Variants in POLRMT observed in about 807,000 individuals in gnomAD.
The protein encoded by POLRMT is RNA polymerase mitochondrial.
A neutral mutation model predicts 132.2 loss-of-function variants in POLRMT; 114 were observed. The ratio of observed to expected loss-of-function variants is 0.86; its 90% CI spans 0.74 to 1.01. POLRMT has a LOEUF of 1.01. Ranked by LOEUF, POLRMT falls within the 50% of genes least tolerant of loss-of-function variation. POLRMT has a pLI of 0.00. For synonymous variants in POLRMT, 1,020 were observed against 773.4 expected, an observed-to-expected ratio of 1.32 and a Z score of -5.29; for missense variants, 2,003 against 1,729.1, an observed-to-expected ratio of 1.16 and a Z score of -2.81.
intron 17 of POLRMT, chr19:618,089 G>A (rs890670288): frequency 2.4e-5 from 14 of 581,380 alleles, no homozygotes; most frequent in Non-Finnish European, 2.5e-5. Context: ...CCACGCTGCT[G>A]TGGGAGCCTC....
intron 6 of POLRMT, 109 bp downstream of exon 6, chr19:623,345 C>G (rs1984777335): frequency 1.3e-6 from 2 of 1,504,082 alleles, no homozygotes; most frequent in African/African-American, 2.8e-5. Context: ...ACACGCGACC[C>G]CGGCTCAGCC....
At position 632,961 on chromosome 19, in the gene POLRMT, T is replaced by C; in HGVS notation, c.89-23A>G. On this transcript the variant is annotated intron_variant, in intron 1 of 20. Coordinates refer to ENST00000588649, the MANE Select transcript of POLRMT (RefSeq NM_005035.4). ...TCCCTGCGGGAAAGACGAGAGCGGC[T>C]GAGCGGGGCCGGGCGTGTGGGCGGG... 8 of 1,471,340 alleles carry C rather than the reference T, an allele frequency of 5.4e-6. 1 individual carries two copies. In the Middle Eastern group the frequency reaches 7.4e-4, roughly 137 times the overall value. 91.1% of individuals were successfully genotyped at this position (1,471,340 alleles called of 1,614,324 possible).
At chr19:620,645 G>A (rs1156997061) in intron 10 of POLRMT, among the ~76,000 whole-genome samples, 158 bp from the exon 11 acceptor site, 7 of 150,762 alleles carry the variant, frequency 4.6e-5, no homozygotes, top group Admixed American at 2.0e-4. Context: ...GTGGCTGGAT[G>A]AGTTCTCCAT....
In POLRMT at chr19:618,563, T is replaced by C. The variant is rs200820391; in HGVS notation, c.3347A>G (p.Lys1116Arg). Residue 1116 changes from lysine (K) to arginine (R), a missense_variant, in exon 17 of 21, where the codon AAG becomes AGG. By Grantham distance (26) the Lys-to-Arg change is conservative (BLOSUM62 2). Transcript: ENST00000588649. The part of the protein sequence containing the change: ...ISRKPNTRKQ[K>R]NGFPPNFIHS... ...GATGAAGTTGGGCGGGAAGCCGTTC[T>C]TCTGCTTACGTGTGTTGGGCTTTCT... is the stretch of plus-strand genomic sequence containing the variant. The C allele has an allele frequency of 6.9e-5, 111 of 1,613,218 alleles. No individual in the cohort carries two copies. Among genetic ancestry groups the C allele is most frequent in the Non-Finnish European group, 9.1e-5 (107 of 1,179,502 alleles).
intron 3 of POLRMT, among the ~76,000 whole-genome samples, chr19:627,052 T>G (rs2144669274): frequency 6.6e-6 from 1 of 151,800 alleles, no homozygotes. Context: ...GGAAAAAAAT[T>G]CCCTTACATC....
chr19:632,939 C>A lies in POLRMT; in HGVS notation c.89-1G>T. 1 of 1,503,982 alleles carries A rather than the reference C, an allele frequency of 6.6e-7. No individual in the cohort carries two copies. The highest frequency in any genetic ancestry group is 8.8e-7 in the Non-Finnish European group (1 of 1,130,884). The allele number at this position is 1,503,982 out of a possible 1,614,324, so 93.2% of individuals were successfully genotyped here. On this transcript the variant is annotated splice_acceptor_variant, in intron 1 of 20. Coordinates refer to ENST00000588649, the MANE Select transcript of POLRMT (RefSeq NM_005035.4). LOFTEE classifies it high-confidence loss of function. ...GGGCCGCAGACGCCACCGGCGGTCCCTGCGGGAAAGACGAGAGCGGCTGAG... is the reference window on the plus strand; with the variant it reads ...GGGCCGCAGACGCCACCGGCGGTCCATGCGGGAAAGACGAGAGCGGCTGAG...
At chr19:618,061 C>T (rs1277118811) in intron 17 of POLRMT, 3 of 589,286 alleles carry the variant, frequency 5.1e-6, no homozygotes, top group South Asian at 2.0e-5. Flanking sequence ...AGCCTCCTCG[C>T]CCCACCCCTG....
intron 5 of POLRMT, among the ~76,000 whole-genome samples, chr19:624,446 C>G (rs1984869555): frequency 6.6e-6 from 1 of 152,234 alleles, no homozygotes; most frequent in South Asian, 2.1e-4. Context: ...CTGCGTGCAC[C>G]TGGCAGCCCC....
In POLRMT at chr19:624,878, C is replaced by T; in HGVS notation, c.981G>A (p.Gly327=). ...ERCLEQMSQE[G]LKLQALFTAV... is the part of the protein sequence containing the mutation. Reference sequence around the variant, plus strand: ...CGGTGAAGAGTGCCTGCAGCTTCAGCCCCTCCTGGCTCATCTGTTCCAGAC... The same window carrying T: ...CGGTGAAGAGTGCCTGCAGCTTCAGTCCCTCCTGGCTCATCTGTTCCAGAC... The change falls in exon 5 of 21, where the codon GGG becomes GGA. Residue 327 remains glycine, a synonymous_variant. Coordinates refer to ENST00000588649, the MANE Select transcript of POLRMT (RefSeq NM_005035.4). 2 of 1,612,434 alleles carry T rather than the reference C, an allele frequency of 1.2e-6. No individual in the cohort carries two copies. Among genetic ancestry groups the T allele is most frequent in the Admixed American group, 1.7e-5 (1 of 59,962 alleles).
intron 2 of POLRMT, among the ~76,000 whole-genome samples, chr19:632,540 G>A (rs1402421199): frequency 7.0e-6 from 1 of 142,914 alleles, no homozygotes; most frequent in African/African-American, 2.5e-5. Context: ...CGGGGCCGGG[G>A]GGGGGGTCTC....
Position 622,810 on chromosome 19 carries a change from G to GGAAGACGCACCTGCAGGA in POLRMT, c.1448_1455+10dup, listed in dbSNP as rs751857502. 189 of 1,581,068 alleles carry GGAAGACGCACCTGCAGGA rather than the reference G, an allele frequency of 1.2e-4. No individual in the cohort carries two copies. The highest frequency in any genetic ancestry group is 1.3e-4 in the Non-Finnish European group (151 of 1,163,718). On this transcript the variant is annotated intron_variant, in intron 7 of 20. Transcript: ENST00000588649. ...CCGCCCGGGGACCCGGCCGCGCGGA[G>GGAAGACGCACCTGCAGGA]GAAGACGCACCTGCAGGAGCATCCG...
Position 622,907 on chromosome 19 carries a change from C to T in POLRMT, c.1369G>A (p.Glu457Lys). The T allele has an allele frequency of 1.9e-6, 3 of 1,612,666 alleles. No individual in the cohort carries two copies. The highest frequency in any genetic ancestry group is 2.5e-6 in the Non-Finnish European group (3 of 1,179,806). The part of the protein sequence containing the change: ...RALRETKNRL[E>K]REVYEGRFSL... ...AACCGGCCCTCGTACACCTCGCGCT[C>T]TAGGCGGTTCTTGGTCTCCCGCAGC... The change falls in exon 7 of 21, where the codon GAG becomes AAG. Residue 457 changes from glutamate to lysine, a missense_variant. Physicochemically the swap from Glu to Lys is moderately conservative, Grantham distance 56 (BLOSUM62 1). Coordinates refer to ENST00000588649, the MANE Select transcript of POLRMT (RefSeq NM_005035.4).
At position 621,193 on chromosome 19, in the gene POLRMT, C is replaced by T. The variant is rs761226683; in HGVS notation, c.2505G>A (p.Pro835=). Residue 835 remains proline, a synonymous_variant, in exon 10 of 21, where the codon CCG becomes CCA. Coordinates refer to ENST00000588649, the MANE Select transcript of POLRMT (RefSeq NM_005035.4). ...LEFAQGRPLG[P]HGLDWLKIHL... ...GGATCTTGAGCCAATCCAGGCCGTG[C>T]GGGCCGAGCGGGCGGCCCTGGGCGA... 8.1e-6 allele frequency: 13 copies of T among 1,610,144 alleles called. No homozygotes were observed. Among genetic ancestry groups the T allele is most frequent in the Admixed American group, 1.7e-5 (1 of 59,876 alleles).
rs139622969 is a variant in POLRMT, at chr19:630,487, G to A, written c.194-319C>T. ...CTCCAGGTGCACAGGCCCAGAACCCGGGGTCTGTGACAACTCCCTCCGTCC... is the reference window on the plus strand; with the variant it reads ...CTCCAGGTGCACAGGCCCAGAACCCAGGGTCTGTGACAACTCCCTCCGTCC... On this transcript the variant is annotated intron_variant, in intron 2 of 20. Coordinates refer to ENST00000588649, the MANE Select transcript of POLRMT (RefSeq NM_005035.4). 6.3e-3 allele frequency among the ~76,000 whole-genome samples: 953 copies of A among 152,050 alleles called. 7 individuals are homozygous for A. Among genetic ancestry groups the A allele is most frequent in the Middle Eastern group, 0.02 (6 of 294 alleles).
rs750340318 is a variant in POLRMT, at chr19:618,779, C to T, written c.3268-19G>A. On this transcript the variant is annotated intron_variant, in intron 15 of 20. Transcript: ENST00000588649. ...CTATTTGCTAAAAAGGGGAAGGGGC[C>T]GGTGAGTCCCACCCGAGGCCCAGCA... The T allele has an allele frequency of 5.7e-5, 91 of 1,583,174 alleles. No individual in the cohort carries two copies. Among genetic ancestry groups the T allele is most frequent in the African/African-American group, 1.9e-4 (14 of 74,044 alleles).
chr19:620,994 G>GGGGGCGCC (rs1471640214), intron 10 of POLRMT, 64 bp downstream of exon 10: 1 of 1,243,150 alleles, frequency 8.0e-7, no homozygotes, highest in African/African-American at 1.9e-5. Flanking sequence ...GGGAGGGCGC[G>GGGGGCGCC]GGGGCGCCGG....
chr19:617,798 A>C lies in POLRMT; in HGVS notation c.3474T>G (p.Ala1158=). The part of the protein sequence containing the change: ...SVHDCYWTHA[A]DVSVMNQVCR... ...GCACCTGGTTCATGACGGAGACATC[A>C]GCTGCGTGAGTCCAGTAACAGTCGT... The change falls in exon 18 of 21, where the codon GCT becomes GCG. Residue 1158 remains alanine (A), a synonymous_variant. Coordinates refer to ENST00000588649, the MANE Select transcript of POLRMT (RefSeq NM_005035.4). 6.2e-7 allele frequency: 1 copy of C among 1,613,378 alleles called. No homozygotes were observed. Among genetic ancestry groups the C allele is most frequent in the Non-Finnish European group, 8.5e-7 (1 of 1,179,912 alleles).
intron 2 of POLRMT, among the ~76,000 whole-genome samples, chr19:632,237 G>GT (rs151155563): frequency 0.11 from 16,519 of 152,172 alleles, 1,134 homozygotes; most frequent in Middle Eastern, 0.16. Flanking sequence ...ACCTGGCCAG[G>GT]TTTTTTCCCT....
intron 13 of POLRMT, 69 bp downstream of exon 13, chr19:619,517 G>T (rs972924865): frequency 6.3e-7 from 1 of 1,582,074 alleles, no homozygotes; most frequent in Non-Finnish European, 8.6e-7. Context: ...GCTGGGTCGG[G>T]GGCACACCCG....
Sources: allele counts gnomAD v4.1 joint callset (sites outside exome capture counted in the v4.1 genomes callset), GRCh38; gene constraint gnomAD v4.1.1; transcripts MANE v1.5; gene names NCBI Gene and HGNC (gene_info 2026-07-23, HGNC 2026-07-21).